The following TCN2 variants were observed in gnomAD, a reference collection of about 807,000 sequenced individuals.
TCN2 encodes the protein transcobalamin 2, also known as transcobalamin-2.
TCN2 carries 34 observed loss-of-function variants against 48.6 expected under a neutral mutation model. That is an observed-to-expected ratio of 0.70 (90% confidence interval 0.53 to 0.93). The LOEUF (loss-of-function observed/expected upper bound fraction) is 0.93. Ranked by LOEUF, TCN2 falls within the 40% of genes least tolerant of loss-of-function variation. The pLI is 0.00. For synonymous variants in TCN2, 283 were observed against 212.5 expected (o/e 1.33, Z -2.89); for missense variants, 652 against 526.1 (o/e 1.24, Z -2.34).
chr22:30,621,015 C>T (rs919872603), intron 7 of TCN2, among the ~76,000 whole-genome samples: 10 of 152,168 alleles, frequency 6.6e-5, no homozygotes, highest in East Asian at 3.8e-4. Flanking sequence ...TGTTTTGAGA[C>T]GGAGTTGCAT....
chr22:30,623,268 T>G (rs2087724888), intron 8 of TCN2, 185 bp downstream of exon 8: 6 of 541,496 alleles, frequency 1.1e-5, no homozygotes, highest in East Asian at 3.0e-5. Context: ...CAAGTTACTG[T>G]GGAAATTCTA....
intron 4 of TCN2, 75 bp from the exon 5 acceptor site, chr22:30,615,226 C>T: frequency 1.3e-6 from 2 of 1,525,216 alleles, no homozygotes; most frequent in South Asian, 2.2e-5. Context: ...CTACAAGGGC[C>T]TGACCCTCAA....
chr22:30,612,621 G>A (rs1306068374), intron 2 of TCN2, among the ~76,000 whole-genome samples: 1 of 152,176 alleles, frequency 6.6e-6, no homozygotes, highest in East Asian at 1.9e-4. Flanking sequence ...GGACAAAATA[G>A]TGGGGCAGGC....
At chr22:30,609,408 C>T (rs573221207) in intron 1 of TCN2, among the ~76,000 whole-genome samples, 13 of 152,268 alleles carry the variant, frequency 8.5e-5, no homozygotes, top group Admixed American at 3.9e-4. Flanking sequence ...GTGAATCTGC[C>T]TGGCCCCTTC....
Position 30,626,536 on chromosome 22 carries a change from C to T in TCN2, c.*15C>T. 6.2e-7 allele frequency: 1 copy of T among 1,613,954 alleles called. No homozygotes were observed. Among genetic ancestry groups the T allele is most frequent in the East Asian group, 2.2e-5 (1 of 44,886 alleles). Reference sequence around the variant, plus strand: ...TTAGCTGGTAGCCCCTGAGCTCCCTCATCCCAGCAGCCTCGCACACTCCCT... The same window carrying T: ...TTAGCTGGTAGCCCCTGAGCTCCCTTATCCCAGCAGCCTCGCACACTCCCT... On this transcript the variant is annotated 3_prime_UTR_variant, in exon 9 of 9. Coordinates refer to ENST00000215838, the MANE Select transcript of TCN2 (RefSeq NM_000355.4).
At chr22:30,616,111 T>C (rs906081797) in intron 6 of TCN2, among the ~76,000 whole-genome samples, 14 of 152,086 alleles carry the variant, frequency 9.2e-5, no homozygotes, top group African/African-American at 3.1e-4. Flanking sequence ...TAATACAACA[T>C]GATAAGCCCC....
intron 7 of TCN2, among the ~76,000 whole-genome samples, chr22:30,621,590 C>G (rs1363021911): frequency 6.6e-6 from 1 of 152,210 alleles, no homozygotes; most frequent in Non-Finnish European, 1.5e-5. Context: ...TCAAGTGATT[C>G]TCCTGCCTCA....
chr22:30,623,947 C>CACATAT (rs1569046940), intron 8 of TCN2, among the ~76,000 whole-genome samples: 1 of 27,432 alleles, frequency 3.6e-5, no homozygotes, highest in African/African-American at 4.7e-4. Context: ...TACACACACA[C>CACATAT]ATATGTATAC....
At chr22:30,615,134 G>A (rs1450600917) in intron 4 of TCN2, among the ~76,000 whole-genome samples, 167 bp from the exon 5 acceptor site, 1 of 152,122 alleles carries the variant, frequency 6.6e-6, no homozygotes, top group Non-Finnish European at 1.5e-5. Context: ...GAAAGTCTTG[G>A]GCAGACCAGG....
In TCN2 at chr22:30,623,296, C is replaced by CA. The variant is rs11305698; in HGVS notation, c.1222+228dup. On this transcript the variant is annotated intron_variant, in intron 8 of 8. Coordinates refer to ENST00000215838, the MANE Select transcript of TCN2 (RefSeq NM_000355.4). ...AAATTCTAGGAAACCAGACAGATTA[C>CA]AAAAAAAAAAAAAAACTAGAAGAAA... 50,499 of 367,560 alleles carry CA rather than the reference C, an allele frequency of 0.14. 14 individuals are homozygous for CA. The highest frequency in any genetic ancestry group is 0.16 in the South Asian group (4,332 of 26,280). The allele number at this position is 367,560 out of a possible 1,614,324, so 22.8% of individuals were successfully genotyped here.
At chr22:30,610,530 G>A (rs541171086) in intron 1 of TCN2, among the ~76,000 whole-genome samples, 7 of 152,182 alleles carry the variant, frequency 4.6e-5, no homozygotes, top group Non-Finnish European at 1.0e-4. Context: ...TCACAGGACT[G>A]GCATGAGGAC....
Position 30,615,703 on chromosome 22 carries a change from G to T in TCN2, c.856G>T (p.Ala286Ser). The change falls in exon 6 of 9, where the codon GCT (alanine) becomes TCT (serine). Residue 286 changes from alanine (A) to serine (S), a missense_variant. Physicochemically the swap from Ala to Ser is moderately conservative, Grantham distance 99 (BLOSUM62 1). Coordinates refer to ENST00000215838, the MANE Select transcript of TCN2 (RefSeq NM_000355.4). ...TCTGCAGGATGGAGCCTTCCAGAAT[G>T]CTCTCATGATTTCCCAGCTGCTGCC... ...ASLQDGAFQN[A>S]LMISQLLPVL... 3 of 1,614,222 alleles carry T rather than the reference G, an allele frequency of 1.9e-6. No homozygotes were observed. Among genetic ancestry groups the T allele is most frequent in the Non-Finnish European group, 2.5e-6 (3 of 1,180,048 alleles).
At position 30,615,255 on chromosome 22, in the gene TCN2, C is replaced by T. The variant is rs752043988; in HGVS notation, c.581-46C>T. The T allele has an allele frequency of 2.0e-5, 33 of 1,610,830 alleles. No individual in the cohort carries two copies. The Admixed American group carries it at 5.0e-4, about 24-fold the overall frequency. ...CCCTCAAGCCCCTGCCTGTCCTGGC[C>T]CCTTTGGCTCTCCAGCTCATTGCAT... On this transcript the variant is annotated intron_variant, in intron 4 of 8. Coordinates refer to ENST00000215838, the MANE Select transcript of TCN2 (RefSeq NM_000355.4).
chr22:30,620,273 G>A (rs1482656101), intron 7 of TCN2, among the ~76,000 whole-genome samples: 4 of 152,158 alleles, frequency 2.6e-5, no homozygotes, highest in East Asian at 1.9e-4. Flanking sequence ...CCAACGTGGC[G>A]AAAGCCCGTC....
chr22:30,608,187 C>T (rs1435883822), intron 1 of TCN2, among the ~76,000 whole-genome samples: 2 of 152,140 alleles, frequency 1.3e-5, no homozygotes, highest in African/African-American at 4.8e-5. Flanking sequence ...CTCCTCTGCA[C>T]CTAGGATTAC....
At chr22:30,623,999 TATATATGTATACATATATACAC>T (rs2087761677) in intron 8 of TCN2, among the ~76,000 whole-genome samples, 1 of 34,332 alleles carries the variant, frequency 2.9e-5, no homozygotes, top group Non-Finnish European at 4.4e-5. Context: ...TATACACACA[TATATATGTATACATATATACAC>T]ACATATATAT....
intron 7 of TCN2, among the ~76,000 whole-genome samples, chr22:30,620,223 G>A (rs2087678288): frequency 1.3e-5 from 2 of 152,082 alleles, no homozygotes; most frequent in Admixed American, 1.3e-4. Context: ...AGGCCAAGGT[G>A]GGCAGATTAC....
At chr22:30,618,938 G>A (rs1404452096) in intron 7 of TCN2, among the ~76,000 whole-genome samples, 1 of 152,032 alleles carries the variant, frequency 6.6e-6, no homozygotes, top group Non-Finnish European at 1.5e-5. Flanking sequence ...CCTGGCTAAT[G>A]TTTATATTTT....
chr22:30,624,305 C>T (rs920728611), intron 8 of TCN2, among the ~76,000 whole-genome samples: 5 of 151,848 alleles, frequency 3.3e-5, no homozygotes, highest in African/African-American at 9.7e-5. Flanking sequence ...AACTCCTGAC[C>T]TCAAGTGATC....
Sources: allele counts gnomAD v4.1 joint callset (sites outside exome capture counted in the v4.1 genomes callset), GRCh38; gene constraint gnomAD v4.1.1; transcripts MANE v1.5; gene names NCBI Gene and HGNC (gene_info 2026-07-23, HGNC 2026-07-21).